The following GPAM variants were observed in gnomAD, a reference collection of about 807,000 sequenced individuals.
GPAM encodes the protein glycerol-3-phosphate acyltransferase 1, mitochondrial.
A neutral mutation model predicts 105.0 loss-of-function variants in GPAM; 56 were observed. The observed-to-expected ratio is 0.53, with a 90% CI of 0.43 to 0.67. The LOEUF is 0.67. Among genes scored for constraint, GPAM ranks in the 30% least tolerant of loss-of-function variants. The pLI, the probability that GPAM is intolerant of heterozygous loss-of-function variation, is 0.00. For missense variants in GPAM, 855 were observed against 989.8 expected (o/e 0.86, Z 1.83); for synonymous variants, 368 against 354.4 (o/e 1.04, Z -0.43).
chr10:112,215,566 GGT>G (rs1378275474), upstream of GPAM, among the ~76,000 whole-genome samples: 89 of 152,338 alleles, frequency 5.8e-4, no homozygotes, highest in Middle Eastern at 3.4e-3. Flanking sequence ...TGCAATGAAT[GGT>G]GTCTTCTTCG....
chr10:112,194,417 C>T (rs1358183253), intron 1 of GPAM, among the ~76,000 whole-genome samples: 1 of 152,208 alleles, frequency 6.6e-6, no homozygotes, highest in South Asian at 2.1e-4. Context: ...CTTTGCTGTG[C>T]TTAAAATTGC....
chr10:112,193,305 G>A (rs1285623135), intron 1 of GPAM, among the ~76,000 whole-genome samples: 48 of 152,148 alleles, frequency 3.2e-4, no homozygotes, highest in Admixed American at 2.9e-3. Context: ...TCCTGACCAG[G>A]AGGAGCCAAA....
chr10:112,217,234 T>A (rs2133313249), upstream of GPAM, among the ~76,000 whole-genome samples: 1 of 152,352 alleles, frequency 6.6e-6, no homozygotes, highest in South Asian at 2.1e-4. Context: ...AAACGCCTAC[T>A]CTGGACATTT....
chr10:112,215,336 A>T (rs931466837), exon 1 of GPAM: 3 of 152,256 alleles, frequency 2.0e-5, no homozygotes, highest in Non-Finnish European at 2.9e-5. Context: ...TGGGTGCTCC[A>T]CAGTAACCTC....
intron 1 of GPAM, among the ~76,000 whole-genome samples, chr10:112,203,803 GGAA>G (rs1404596271): frequency 1.3e-5 from 2 of 152,200 alleles, no homozygotes; most frequent in African/African-American, 2.4e-5. Flanking sequence ...CTGCGGTTCA[GGAA>G]GAAGAACTAA....
At chr10:112,212,529 C>T (rs946718325) in intron 1 of GPAM, among the ~76,000 whole-genome samples, 2 of 152,230 alleles carry the variant, frequency 1.3e-5, no homozygotes, top group South Asian at 4.1e-4. Context: ...TCCCAAAGTG[C>T]GGGGATTACA....
At chr10:112,206,692 A>T in intron 1 of GPAM, among the ~76,000 whole-genome samples, 1 of 120,938 alleles carries the variant, frequency 8.3e-6, no homozygotes. Flanking sequence ...GGGGGGAGGG[A>T]TAGCATTGGG....
Position 112,153,208 on chromosome 10 carries a change from T to C in GPAM, c.*342A>G. On this transcript the variant is annotated 3_prime_UTR_variant, in exon 22 of 22. Coordinates refer to ENST00000348367, the MANE Select transcript of GPAM (RefSeq NM_001244949.2). Reference sequence around the variant, plus strand: ...TTCAGTTCCAGAACACAGCTACATTTCTGTGTCCATCACAGTAATTAGTCC... The same window carrying C: ...TTCAGTTCCAGAACACAGCTACATTCCTGTGTCCATCACAGTAATTAGTCC... 2 of 1,137,592 alleles carry C rather than the reference T, an allele frequency of 1.8e-6. No homozygotes were observed. Among genetic ancestry groups the C allele is most frequent in the Non-Finnish European group, 2.2e-6 (2 of 916,546 alleles). The allele number at this position is 1,137,592 out of a possible 1,614,324, so 70.5% of individuals were successfully genotyped here.
chr10:112,216,294 G>A (rs1008713057), upstream of GPAM, among the ~76,000 whole-genome samples: 1 of 152,218 alleles, frequency 6.6e-6, no homozygotes, highest in Non-Finnish European at 1.5e-5. Context: ...GAGATGTGCT[G>A]ACTGGGGGCA....
At chr10:112,207,230 G>A (rs927368953) in intron 1 of GPAM, among the ~76,000 whole-genome samples, 17 of 152,134 alleles carry the variant, frequency 1.1e-4, no homozygotes, top group South Asian at 2.1e-4. Flanking sequence ...TATGATGTAC[G>A]GGACAGTCCC....
rs1330210449 is a variant in GPAM, at chr10:112,152,132, C to A, written c.*1418G>T. ...AGCTTATGGAAGTACAAACTTAATTCTCAGTACTTTTATACTAAATTCAAA... is the reference window on the plus strand; with the variant it reads ...AGCTTATGGAAGTACAAACTTAATTATCAGTACTTTTATACTAAATTCAAA... On this transcript the variant is annotated 3_prime_UTR_variant, in exon 22 of 22. Transcript: ENST00000348367. 1 of 973,494 alleles carries A rather than the reference C, an allele frequency of 1.0e-6. No individual in the cohort carries two copies. The highest frequency in any genetic ancestry group is 1.2e-6 in the Non-Finnish European group (1 of 819,326). The allele number at this position is 973,494 out of a possible 1,614,324, so 60.3% of individuals were successfully genotyped here.
intron 12 of GPAM, among the ~76,000 whole-genome samples, chr10:112,165,977 C>T (rs768861496): frequency 9.2e-5 from 14 of 151,884 alleles, no homozygotes; most frequent in Non-Finnish European, 1.8e-4. Flanking sequence ...ATTGGGATAA[C>T]CATCACCTCA....
the GPAM span, among the ~76,000 whole-genome samples, chr10:112,223,676 G>T: frequency 6.6e-6 from 1 of 152,158 alleles, no homozygotes; most frequent in African/African-American, 2.4e-5. Context: ...ACTCTAAACT[G>T]CCCTAAGACA....
chr10:112,162,963 G>C (rs1186360943), intron 14 of GPAM, among the ~76,000 whole-genome samples: 1 of 152,108 alleles, frequency 6.6e-6, no homozygotes, highest in Admixed American at 6.5e-5. Context: ...CAAGGTGAGG[G>C]AGGAAGACCT....
chr10:112,193,564 T>C (rs527335628), intron 1 of GPAM, among the ~76,000 whole-genome samples: 1 of 152,168 alleles, frequency 6.6e-6, no homozygotes, highest in Non-Finnish European at 1.5e-5. Context: ...ATTACTCCCA[T>C]TTTTCAGATG....
chr10:112,203,695 G>GT (rs1307052691), intron 1 of GPAM, among the ~76,000 whole-genome samples: 1 of 152,104 alleles, frequency 6.6e-6, no homozygotes, highest in Non-Finnish European at 1.5e-5. Context: ...TATTTACCAG[G>GT]ACTGTGCCAC....
Position 112,153,649 on chromosome 10 carries a change from T to C in GPAM, c.2388A>G (p.Lys796=). 1 of 1,610,614 alleles carries C rather than the reference T, an allele frequency of 6.2e-7. No homozygotes were observed. Among genetic ancestry groups the C allele is most frequent in the Non-Finnish European group, 8.5e-7 (1 of 1,177,124 alleles). Residue 796 remains lysine (K), a synonymous_variant, in exon 22 of 22, where the codon AAA becomes AAG. Coordinates refer to ENST00000348367, the MANE Select transcript of GPAM (RefSeq NM_001244949.2). ...GTTCTAAAACAGACACTCTCTTTTGTTTGGTCTCCTTGAAAACCTAAAGAA... is the reference window on the plus strand; with the variant it reads ...GTTCTAAAACAGACACTCTCTTTTGCTTGGTCTCCTTGAAAACCTAAAGAA... The part of the protein sequence containing the change: ...FKDIGVFKET[K]QKRVSVLELS...
At chr10:112,222,254 T>C in the GPAM span, among the ~76,000 whole-genome samples, 1 of 152,332 alleles carries the variant, frequency 6.6e-6, no homozygotes, top group Non-Finnish European at 1.5e-5. Flanking sequence ...GCATCATGCA[T>C]TATAGAGCTT....
chr10:112,173,635 T>A, intron 7 of GPAM, 64 bp downstream of exon 7: 1 of 1,456,748 alleles, frequency 6.9e-7, no homozygotes, highest in East Asian at 2.3e-5. Flanking sequence ...GTTCAATAAT[T>A]CAGTCTTATT....
Sources: allele counts gnomAD v4.1 joint callset (sites outside exome capture counted in the v4.1 genomes callset), GRCh38; gene constraint gnomAD v4.1.1; transcripts MANE v1.5; gene names NCBI Gene and HGNC (gene_info 2026-07-23, HGNC 2026-07-21).